Variants in TMEM94 observed in about 807,000 individuals in gnomAD.
The protein encoded by TMEM94 is ER Mg2+ ATPase.
In TMEM94, 81 loss-of-function variants were observed where a neutral mutation model predicts 158.6. The observed-to-expected ratio is 0.51, with a 90% CI of 0.43 to 0.61. The LOEUF (loss-of-function observed/expected upper bound fraction) is 0.61, where lower values mean the gene tolerates loss of function less well. Among genes scored for constraint, TMEM94 ranks in the 20% least tolerant of loss-of-function variants. The probability of loss-of-function intolerance (pLI) is 0.00; values close to 1 mark genes in which losing one functional copy is unlikely to be tolerated. For synonymous variants in TMEM94, 751 were observed against 730.7 expected (o/e 1.03, Z -0.45); for missense variants, 1,435 against 1,762.0 (o/e 0.81, Z 3.32).
At position 75,485,876 on chromosome 17, in the gene TMEM94, G is replaced by A. The variant is rs755246951; in HGVS notation, c.150G>A (p.Val50=). 1.2e-6 allele frequency: 2 copies of A among 1,611,552 alleles called. No homozygotes were observed. Among genetic ancestry groups the A allele is most frequent in the Non-Finnish European group, 1.7e-6 (2 of 1,178,724 alleles). ...TCCCTGTCCGAACTTCCCAGGAGGT[G>A]TGGAGAAGCAGCTTCCTCCACCACA... The part of the protein sequence containing the change: ...ERKKCLTWKE[V]WRSSFLHHSN... The change falls in exon 4 of 32, where the codon GTG becomes GTA. Residue 50 remains valine, a synonymous_variant. Transcript: ENST00000314256. The surrounding 1 kb of genome is among the most constrained non-coding windows in gnomAD (Gnocchi z 5.5).
At position 75,485,257 on chromosome 17, in the gene TMEM94, G is replaced by T. The variant is rs540680243; in HGVS notation, c.25-171G>T. On this transcript the variant is annotated intron_variant, in intron 2 of 31. Coordinates refer to ENST00000314256, the MANE Select transcript of TMEM94 (RefSeq NM_014738.6). The surrounding 1 kb of genome is among the most constrained non-coding windows in gnomAD (Gnocchi z 5.5). Reference sequence around the variant, plus strand: ...GTGCACTTGAACAGTTTGTAATTTGGTGGAGATGGACATGGTCACACCTTG... The same window carrying T: ...GTGCACTTGAACAGTTTGTAATTTGTTGGAGATGGACATGGTCACACCTTG... 1.6e-6 allele frequency: 1 copy of T among 642,128 alleles called. No individual in the cohort carries two copies. The highest frequency in any genetic ancestry group is 2.6e-6 in the Non-Finnish European group (1 of 379,240). 39.8% of individuals were successfully genotyped at this position (642,128 alleles called of 1,614,324 possible).
rs947183618 is a variant in TMEM94 at position 75,493,173 on chromosome 17, C to T, written c.2086+71C>T. ...GCTTGGCAGGGGGGCTCTGCCCAGC[C>T]CCACCCATTGCTAGGGAGGCCTGGG... On this transcript the variant is annotated intron_variant, in intron 16 of 31. Coordinates refer to ENST00000314256, the MANE Select transcript of TMEM94 (RefSeq NM_014738.6). 5.5e-5 allele frequency: 81 copies of T among 1,485,306 alleles called. No homozygotes were observed. In the East Asian group the frequency reaches 1.8e-3, roughly 32 times the overall value. The allele number at this position is 1,485,306 out of a possible 1,614,324, so 92.0% of individuals were successfully genotyped here.
At chr17:75,468,122 A>G (rs527562252) in intron 1 of TMEM94, among the ~76,000 whole-genome samples, 547 of 152,126 alleles carry the variant, frequency 3.6e-3, no homozygotes, top group Non-Finnish European at 5.5e-3. Context: ...TAGGATTTGA[A>G]CCCGGGGATA....
In TMEM94 at chr17:75,498,830, G is replaced by C; in HGVS notation, c.3828-82G>C. ...GGGGCCAGTGGTTTAACTGTACCCTGCCTGAGCTAACTGTTGTACTGGGAA... is the reference window on the plus strand; with the variant it reads ...GGGGCCAGTGGTTTAACTGTACCCTCCCTGAGCTAACTGTTGTACTGGGAA... On this transcript the variant is annotated intron_variant, in intron 30 of 31. Transcript: ENST00000314256. This position sits in a 1 kb window ranked among gnomAD's most constrained non-coding sequence, Gnocchi z 6.7. 2 of 1,522,736 alleles carry C rather than the reference G, an allele frequency of 1.3e-6. No homozygotes were observed. Among genetic ancestry groups the C allele is most frequent in the South Asian group, 2.6e-5 (2 of 77,302 alleles). 94.3% of individuals were successfully genotyped at this position (1,522,736 alleles called of 1,614,324 possible).
chr17:75,490,260 C>G lies in TMEM94; in HGVS notation c.981C>G (p.Pro327=), dbSNP rs375870015. Residue 327 remains proline, a synonymous_variant, in exon 10 of 32, where the codon CCC becomes CCG. Coordinates refer to ENST00000314256, the MANE Select transcript of TMEM94 (RefSeq NM_014738.6). ...LQVNGVLPIL[P]LLFPVLWVLA... ...TGAATGGCGTCCTGCCCATCCTCCC[C>G]CTGCTCTTTCCAGTCCTCTGGGTTC... 2 of 1,614,150 alleles carry G rather than the reference C, an allele frequency of 1.2e-6. No homozygotes were observed. The highest frequency in any genetic ancestry group is 1.7e-6 in the Non-Finnish European group (2 of 1,180,016).
chr17:75,492,785 C>T lies in TMEM94; in HGVS notation c.1908C>T (p.Leu636=), dbSNP rs775185474. 5.0e-6 allele frequency: 8 copies of T among 1,604,402 alleles called. No homozygotes were observed. The African/African-American group carries it at 9.3e-5, about 19-fold the overall frequency. ...VPWGLCELAR[L]IGFTPGAKEL... is the part of the protein sequence containing the mutation. ...GGGGCCTCTGCGAGCTTGCCCGCCT[C>T]ATTGGTACAGGTCCCCATGGCAGGG... The change falls in exon 15 of 32, where the codon CTC becomes CTT. Residue 636 remains leucine (L), a synonymous_variant. Coordinates refer to ENST00000314256, the MANE Select transcript of TMEM94 (RefSeq NM_014738.6). This position sits in a 1 kb window ranked among gnomAD's most constrained non-coding sequence, Gnocchi z 4.4.
Position 75,491,101 on chromosome 17 carries a change from C to G in TMEM94, c.1181C>G (p.Ser394Trp), listed in dbSNP as rs202071041. 4 of 1,613,384 alleles carry G rather than the reference C, an allele frequency of 2.5e-6. No homozygotes were observed. Among genetic ancestry groups the G allele is most frequent in the Non-Finnish European group, 3.4e-6 (4 of 1,179,758 alleles). Residue 394 changes from serine to tryptophan, a missense_variant, in exon 12 of 32, where the codon TCG becomes TGG. Coordinates refer to ENST00000314256, the MANE Select transcript of TMEM94 (RefSeq NM_014738.6). This position sits in a 1 kb window ranked among gnomAD's most constrained non-coding sequence, Gnocchi z 5.1. The stretch of plus-strand genomic sequence containing the variant: ...TTCCTGAGGGTGCTCGGGGGGACAT[C>G]GCCAACGCTGAGCCACAGTTCCAGC... Reference protein sequence around the residue: ...GHFLRVLGGTSPTLSHSSSLL... With the variant: ...GHFLRVLGGTWPTLSHSSSLL...
rs922614157 is a variant in TMEM94 at position 75,485,085 on chromosome 17, C to A, written c.25-343C>A. Among the ~76,000 whole-genome samples the A allele has an allele frequency of 1.3e-4, 20 of 151,446 alleles. No individual in the cohort carries two copies. Among genetic ancestry groups the A allele is most frequent in the African/African-American group, 4.9e-4 (20 of 41,182 alleles). On this transcript the variant is annotated intron_variant, in intron 2 of 31. Transcript: ENST00000314256. The surrounding 1 kb of genome is among the most constrained non-coding windows in gnomAD (Gnocchi z 5.5). ...ATGCAATCAAAGACTGGCCCCCTTG[C>A]AATAAATTGGGAGATCAGTGGTGAG... is the stretch of plus-strand genomic sequence containing the variant.
At chr17:75,488,286 C>A in intron 6 of TMEM94, 152 bp downstream of exon 6, 1 of 707,152 alleles carries the variant, frequency 1.4e-6, no homozygotes, top group South Asian at 1.8e-5. Context: ...CCCTGCTGTT[C>A]TTTTTTTTGA....
At chr17:75,488,184 A>G in intron 6 of TMEM94, 50 bp downstream of exon 6, 2 of 1,575,784 alleles carry the variant, frequency 1.3e-6, no homozygotes, top group Admixed American at 1.7e-5. Context: ...GAACATCCAC[A>G]GGCAACGATG....
chr17:75,462,006 G>GTTTTTTTTTT (rs1319139834), intron 1 of TMEM94, among the ~76,000 whole-genome samples: 11 of 100,426 alleles, frequency 1.1e-4, no homozygotes, highest in Admixed American at 3.4e-4. Flanking sequence ...GTTTTGTTTT[G>GTTTTTTTTTT]TTTTGTTTTT....
Position 75,463,176 on chromosome 17 carries a change from G to GTATATATATATATA in TMEM94, c.-107+6426_-107+6427insATATATATATATAT, listed in dbSNP as rs1377936337. On this transcript the variant is annotated intron_variant, in intron 1 of 31. Coordinates refer to ENST00000314256, the MANE Select transcript of TMEM94 (RefSeq NM_014738.6). ...CGTATATATATGTGTGTGTGTGTGT[G>GTATATATATATATA]TGTATATATATATATATATATACAG... Among the ~76,000 whole-genome samples, 13 of 9,058 alleles carry GTATATATATATATA rather than the reference G, an allele frequency of 1.4e-3. 2 individuals are homozygous for GTATATATATATATA. Among genetic ancestry groups the GTATATATATATATA allele is most frequent in the Middle Eastern group, 0.029 (1 of 34 alleles). 5.9% of individuals were successfully genotyped at this position (9,058 alleles called of 152,430 possible).
At position 75,495,068 on chromosome 17, in the gene TMEM94, GC is replaced by G; in HGVS notation, c.2728+35del. The stretch of plus-strand genomic sequence containing the variant: ...AAAGGCGTGGGGTGGGGACGGGGTG[GC>G]GGTGGGAGGATTCCCCTCCTCAGAG... On this transcript the variant is annotated intron_variant, in intron 20 of 31. Coordinates refer to ENST00000314256, the MANE Select transcript of TMEM94 (RefSeq NM_014738.6). The surrounding 1 kb of genome is among the most constrained non-coding windows in gnomAD (Gnocchi z 5.6). 6.3e-7 allele frequency: 1 copy of G among 1,596,670 alleles called. No homozygotes were observed. Among genetic ancestry groups the G allele is most frequent in the Non-Finnish European group, 8.6e-7 (1 of 1,168,422 alleles).
Position 75,488,621 on chromosome 17 carries a change from A to C in TMEM94, c.613-138A>C, listed in dbSNP as rs546685154. On this transcript the variant is annotated intron_variant, in intron 6 of 31. Coordinates refer to ENST00000314256, the MANE Select transcript of TMEM94 (RefSeq NM_014738.6). The stretch of plus-strand genomic sequence containing the variant: ...TTATTCTCGCTAAAAGTCTAGTCCC[A>C]CAGGCCCTGTCCCAGTGGACTCTGG... 2.5e-5 allele frequency: 25 copies of C among 987,896 alleles called. No individual in the cohort carries two copies. In the South Asian group the frequency reaches 3.2e-4, roughly 13 times the overall value. The allele number at this position is 987,896 out of a possible 1,614,324, so 61.2% of individuals were successfully genotyped here.
Position 75,487,879 on chromosome 17 carries a change from G to C in TMEM94, c.410-53G>C, listed in dbSNP as rs904186719. On this transcript the variant is annotated intron_variant, in intron 5 of 31. Coordinates refer to ENST00000314256, the MANE Select transcript of TMEM94 (RefSeq NM_014738.6). This position sits in a 1 kb window ranked among gnomAD's most constrained non-coding sequence, Gnocchi z 4.6. ...TCCGGAAGTGCTGCTGTATCTGACTGGGGGGCAGGGCCGTGGCTGAGAGGG... is the reference window on the plus strand; with the variant it reads ...TCCGGAAGTGCTGCTGTATCTGACTCGGGGGCAGGGCCGTGGCTGAGAGGG... The C allele has an allele frequency of 3.4e-6, 5 of 1,484,886 alleles. No homozygotes were observed. Among genetic ancestry groups the C allele is most frequent in the East Asian group, 2.3e-5 (1 of 43,952 alleles). 92.0% of individuals were successfully genotyped at this position (1,484,886 alleles called of 1,614,324 possible).
intron 1 of TMEM94, among the ~76,000 whole-genome samples, chr17:75,461,838 C>T (rs1270316157): frequency 4.0e-5 from 6 of 150,168 alleles, no homozygotes; most frequent in South Asian, 2.1e-4. Flanking sequence ...GGCGCGAACC[C>T]GGGAGGCGGA....
At chr17:75,468,660 GGGT>G (rs1476322193) in intron 1 of TMEM94, among the ~76,000 whole-genome samples, 3 of 152,216 alleles carry the variant, frequency 2.0e-5, no homozygotes, top group Non-Finnish European at 2.9e-5. Flanking sequence ...TGAAAGGCAG[GGGT>G]GGAAGAGACG....
chr17:75,482,524 A>ATGTATG, intron 2 of TMEM94, among the ~76,000 whole-genome samples: 1 of 145,092 alleles, frequency 6.9e-6, no homozygotes, highest in East Asian at 2.0e-4. Context: ...AAATATATAT[A>ATGTATG]TATGTATGTA....
intron 2 of TMEM94, among the ~76,000 whole-genome samples, chr17:75,481,502 AG>A (rs2051157126): frequency 6.6e-6 from 1 of 152,186 alleles, no homozygotes; most frequent in Admixed American, 6.5e-5. Flanking sequence ...AGGCTGTGGC[AG>A]GGGGCAGCAT....
Sources: gnomAD v4.1 joint callset for allele counts (sites outside exome capture counted in the v4.1 genomes callset) on GRCh38, gnomAD v4.1.1 for gene constraint, Gnocchi (gnomAD v3.1) non-coding constraint, MANE v1.5 for transcripts, NCBI Gene and HGNC (gene_info 2026-07-23, HGNC 2026-07-21) for gene names.